The following SHROOM3 variants were observed in gnomAD, a reference collection of about 807,000 sequenced individuals.
SHROOM3 encodes protein Shroom3.
In SHROOM3, 47 loss-of-function variants were observed where a neutral mutation model predicts 138.6. The observed-to-expected ratio is 0.34, with a 90% CI of 0.27 to 0.43. The LOEUF (loss-of-function observed/expected upper bound fraction) is 0.43, where lower values mean the gene tolerates loss of function less well. Ranked by LOEUF, SHROOM3 falls within the 20% of genes least tolerant of loss-of-function variation. The pLI, the probability that SHROOM3 is intolerant of heterozygous loss-of-function variation, is 1.00. For missense variants in SHROOM3, 2,491 were observed against 2,596.5 expected (o/e 0.96, Z 0.88); for synonymous variants, 1,062 against 1,063.3 (o/e 1.00, Z 0.02).
At chr4:76,502,065 G>A (rs1732107908) in intron 1 of SHROOM3, among the ~76,000 whole-genome samples, 1 of 152,022 alleles carries the variant, frequency 6.6e-6, no homozygotes, top group Admixed American at 6.6e-5. Flanking sequence ...TGGATTAATG[G>A]GTTATTACGG....
intron 2 of SHROOM3, 48 bp from the exon 3 acceptor site, chr4:76,710,108 T>A: frequency 6.2e-7 from 1 of 1,612,538 alleles, no homozygotes; most frequent in Non-Finnish European, 8.5e-7. Context: ...TGTGCTCCTG[T>A]CCATGAACAC....
At chr4:76,457,561 G>A (rs1300345030) in intron 1 of SHROOM3, among the ~76,000 whole-genome samples, 3 of 150,184 alleles carry the variant, frequency 2.0e-5, no homozygotes, top group Non-Finnish European at 4.4e-5. Context: ...GCACTATCTC[G>A]ACTCACTGAA....
At chr4:76,510,030 A>G (rs1463022845) in intron 1 of SHROOM3, among the ~76,000 whole-genome samples, 2 of 152,132 alleles carry the variant, frequency 1.3e-5, no homozygotes, top group Non-Finnish European at 2.9e-5. Context: ...TCCATATACT[A>G]TTGGTGGGAC....
chr4:76,769,968 C>T (rs988005465), intron 9 of SHROOM3, among the ~76,000 whole-genome samples: 1 of 152,124 alleles, frequency 6.6e-6, no homozygotes, highest in African/African-American at 2.4e-5. Context: ...CTCTACCTGC[C>T]TACTTACCCA....
At chr4:76,679,371 C>A in intron 2 of SHROOM3, among the ~76,000 whole-genome samples, 1 of 152,118 alleles carries the variant, frequency 6.6e-6, no homozygotes, top group Non-Finnish European at 1.5e-5. Context: ...GTTTCCCTGG[C>A]TCTTTTTCCC....
rs552466908 is a variant in SHROOM3 at position 76,520,960 on chromosome 4, A to G, written c.169-34649A>G. 9.6e-4 allele frequency among the ~76,000 whole-genome samples: 147 copies of G among 152,362 alleles called. 1 individual carries two copies. Among genetic ancestry groups the G allele is most frequent in the Non-Finnish European group, 5.1e-4 (35 of 68,038 alleles). ...TCATAGCGGAGAATTCTCACTGTGT[A>G]TGAGAATCATAGTCTTCTGTTGTGG... On this transcript the variant is annotated intron_variant, in intron 1 of 10. Coordinates refer to ENST00000296043, the MANE Select transcript of SHROOM3 (RefSeq NM_020859.4).
At chr4:76,650,281 C>T (rs575007217) in intron 2 of SHROOM3, among the ~76,000 whole-genome samples, 1 of 152,232 alleles carries the variant, frequency 6.6e-6, no homozygotes, top group Non-Finnish European at 1.5e-5. Flanking sequence ...AAAAGACAGG[C>T]AATGACAAAT....
At chr4:76,761,436 G>A (rs568041554) in intron 9 of SHROOM3, among the ~76,000 whole-genome samples, 62 of 152,308 alleles carry the variant, frequency 4.1e-4, no homozygotes, top group African/African-American at 1.1e-3. Context: ...ACACAATGCT[G>A]TACTATCTTA....
At chr4:76,441,398 G>A (rs1473860002) in intron 1 of SHROOM3, among the ~76,000 whole-genome samples, 1 of 152,102 alleles carries the variant, frequency 6.6e-6, no homozygotes. Context: ...CAGCCCCTGA[G>A]TTCAATTTGA....
At chr4:76,440,198 C>T (rs1421999546) in intron 1 of SHROOM3, among the ~76,000 whole-genome samples, 3 of 152,312 alleles carry the variant, frequency 2.0e-5, no homozygotes, top group South Asian at 2.1e-4. Flanking sequence ...AAGAGATCTA[C>T]GTGTTCACCC....
chr4:76,748,024 G>A (rs72870095), intron 5 of SHROOM3, among the ~76,000 whole-genome samples: 10 of 152,294 alleles, frequency 6.6e-5, no homozygotes, highest in African/African-American at 2.4e-4. Context: ...AATATTCCAG[G>A]CATATAATTT....
intron 2 of SHROOM3, among the ~76,000 whole-genome samples, chr4:76,701,611 G>T (rs568075427): frequency 1.1e-4 from 17 of 152,342 alleles, no homozygotes; most frequent in African/African-American, 3.8e-4. Flanking sequence ...GTAGAGATTT[G>T]TATTGTTCTC....
intron 2 of SHROOM3, among the ~76,000 whole-genome samples, chr4:76,560,364 C>T (rs1177235434): frequency 1.3e-5 from 2 of 152,154 alleles, no homozygotes; most frequent in Admixed American, 1.3e-4. Context: ...ATTTGACCTC[C>T]AGAACAGATT....
chr4:76,703,411 T>G (rs1719958932), intron 2 of SHROOM3, among the ~76,000 whole-genome samples: 1 of 151,374 alleles, frequency 6.6e-6, no homozygotes, highest in Admixed American at 6.5e-5. Flanking sequence ...AAGGGGGCCT[T>G]TTAAAGAAAG....
At chr4:76,573,870 C>T (rs554462402) in intron 2 of SHROOM3, among the ~76,000 whole-genome samples, 7 of 152,278 alleles carry the variant, frequency 4.6e-5, no homozygotes, top group Non-Finnish European at 8.8e-5. Context: ...CCATAGTTGC[C>T]TCCTTGCAAG....
At chr4:76,720,320 T>A (rs1720503891) in intron 3 of SHROOM3, among the ~76,000 whole-genome samples, 1 of 152,084 alleles carries the variant, frequency 6.6e-6, no homozygotes, top group Non-Finnish European at 1.5e-5. Flanking sequence ...CCTTTTTTCG[T>A]GTTTTGAAAG....
At chr4:76,490,280 G>C (rs1433658747) in intron 1 of SHROOM3, among the ~76,000 whole-genome samples, 1 of 152,156 alleles carries the variant, frequency 6.6e-6, no homozygotes, top group African/African-American at 2.4e-5. Flanking sequence ...CCATTCAGAG[G>C]CTGGAGTGGA....
At chr4:76,605,222 A>G (rs1046316412) in intron 2 of SHROOM3, among the ~76,000 whole-genome samples, 2 of 152,218 alleles carry the variant, frequency 1.3e-5, no homozygotes, top group Non-Finnish European at 2.9e-5. Flanking sequence ...CAGTGGAGTC[A>G]TGGCCATGAC....
At chr4:76,726,436 C>T (rs994495170) in intron 3 of SHROOM3, among the ~76,000 whole-genome samples, 3 of 151,454 alleles carry the variant, frequency 2.0e-5, no homozygotes, top group African/African-American at 7.3e-5. Flanking sequence ...TCCTCTAGTC[C>T]TTCTCCACTG....
Sources: gnomAD v4.1 joint callset for allele counts (sites outside exome capture counted in the v4.1 genomes callset) on GRCh38, gnomAD v4.1.1 for gene constraint, MANE v1.5 for transcripts, NCBI Gene and HGNC (gene_info 2026-07-23, HGNC 2026-07-21) for gene names.